The following TCERG1L variants were observed in gnomAD, a reference collection of about 807,000 sequenced individuals.
The protein encoded by TCERG1L is transcription elongation regulator 1-like protein.
A neutral mutation model predicts 56.3 loss-of-function variants in TCERG1L; 37 were observed. The ratio of observed to expected loss-of-function variants is 0.66; its 90% CI spans 0.51 to 0.87. The LOEUF (loss-of-function observed/expected upper bound fraction) is 0.87, where lower values mean the gene tolerates loss of function less well. TCERG1L is among the 40% of genes least tolerant of loss of function. The probability of loss-of-function intolerance (pLI) is 0.00; values close to 1 mark genes in which losing one functional copy is unlikely to be tolerated. For missense variants in TCERG1L, 799 were observed against 774.2 expected (o/e 1.03, Z -0.38); for synonymous variants, 324 against 326.3 (o/e 0.99, Z 0.08).
intron 3 of TCERG1L, among the ~76,000 whole-genome samples, chr10:131,292,523 A>G (rs1347567250): frequency 5.9e-5 from 9 of 152,016 alleles, no homozygotes; most frequent in Non-Finnish European, 4.4e-5. Flanking sequence ...CATTTTTTCT[A>G]TTTTTAAAAA....
chr10:131,221,177 C>T (rs1235300694), intron 4 of TCERG1L, among the ~76,000 whole-genome samples: 1 of 152,210 alleles, frequency 6.6e-6, no homozygotes, highest in Non-Finnish European at 1.5e-5. Context: ...CCCAGAATGG[C>T]AGGTGGAAAG....
intron 3 of TCERG1L, among the ~76,000 whole-genome samples, chr10:131,278,862 C>A (rs1344533760): frequency 6.6e-6 from 1 of 152,150 alleles, no homozygotes; most frequent in African/African-American, 2.4e-5. Context: ...GCTCATGGGG[C>A]CTCGGGTCCC....
chr10:131,290,470 A>G (rs1422703620), intron 3 of TCERG1L, among the ~76,000 whole-genome samples: 1 of 152,050 alleles, frequency 6.6e-6, no homozygotes, highest in East Asian at 1.9e-4. Flanking sequence ...CTTCTCTACT[A>G]AAAATACAAA....
chr10:131,181,799 C>T (rs866936208), intron 4 of TCERG1L, among the ~76,000 whole-genome samples: 1 of 152,234 alleles, frequency 6.6e-6, no homozygotes, highest in Non-Finnish European at 1.5e-5. Context: ...GTTCATCCAG[C>T]GGGGCATTCC....
chr10:131,285,585 A>AG (rs1846530471), intron 3 of TCERG1L, among the ~76,000 whole-genome samples: 1 of 130,668 alleles, frequency 7.7e-6, no homozygotes, highest in East Asian at 2.3e-4. Context: ...AGAAAGAAAA[A>AG]AAATGAGATG....
chr10:131,268,620 T>C (rs963308448), intron 3 of TCERG1L, among the ~76,000 whole-genome samples: 1 of 152,202 alleles, frequency 6.6e-6, no homozygotes, highest in African/African-American at 2.4e-5. Flanking sequence ...TCTTCTGTAG[T>C]GTAGCCACCT....
intron 4 of TCERG1L, among the ~76,000 whole-genome samples, chr10:131,202,666 G>A (rs1267890930): frequency 1.3e-5 from 2 of 152,154 alleles, no homozygotes; most frequent in East Asian, 1.9e-4. Context: ...AAACAGTAAC[G>A]TAGCGGAATT....
chr10:131,098,813 CGCG>C (rs1184863358), intron 10 of TCERG1L, among the ~76,000 whole-genome samples: 2 of 152,192 alleles, frequency 1.3e-5, no homozygotes, highest in Non-Finnish European at 2.9e-5. Context: ...ATCTGTAACG[CGCG>C]GCCTCCCACT....
intron 4 of TCERG1L, among the ~76,000 whole-genome samples, chr10:131,184,183 A>AT (rs1845212355): frequency 6.6e-6 from 1 of 152,174 alleles, no homozygotes; most frequent in East Asian, 1.9e-4. Context: ...CGATGACTTC[A>AT]TTGTCCTTCC....
intron 4 of TCERG1L, among the ~76,000 whole-genome samples, chr10:131,204,797 C>A (rs1013640129): frequency 6.6e-6 from 1 of 152,226 alleles, no homozygotes; most frequent in African/African-American, 2.4e-5. Context: ...TGGCCCCAGG[C>A]AGAACAGGTT....
intron 4 of TCERG1L, among the ~76,000 whole-genome samples, chr10:131,178,809 G>C (rs1035661890): frequency 6.6e-6 from 1 of 152,190 alleles, no homozygotes; most frequent in Non-Finnish European, 1.5e-5. Context: ...CACTTGAGGA[G>C]CCTCTCTTTG....
chr10:131,232,460 G>A (rs756357743), intron 4 of TCERG1L, among the ~76,000 whole-genome samples: 9 of 152,180 alleles, frequency 5.9e-5, no homozygotes, highest in South Asian at 2.1e-4. Context: ...GACCGTACAC[G>A]CACACGCTCA....
intron 4 of TCERG1L, among the ~76,000 whole-genome samples, chr10:131,188,164 T>C (rs1448664411): frequency 1.3e-5 from 2 of 152,240 alleles, no homozygotes; most frequent in African/African-American, 2.4e-5. Context: ...CAGCAGTTAA[T>C]TGGTTGTGTT....
At position 131,308,192 on chromosome 10, in the gene TCERG1L, A is replaced by G. The variant is rs1390742715; in HGVS notation, c.670+19T>C. The G allele has an allele frequency of 1.9e-6, 3 of 1,584,498 alleles. No homozygotes were observed. The highest frequency in any genetic ancestry group is 2.6e-6 in the Non-Finnish European group (3 of 1,166,778). On this transcript the variant is annotated intron_variant, in intron 3 of 11. Coordinates refer to ENST00000368642, the MANE Select transcript of TCERG1L (RefSeq NM_174937.4). ...AGCAAAAATGAAACAGACATTGTCAATGTTATTTGGGCACCAACCTGGGAT... is the reference window on the plus strand; with the variant it reads ...AGCAAAAATGAAACAGACATTGTCAGTGTTATTTGGGCACCAACCTGGGAT...
At chr10:131,181,129 G>A (rs978049810) in intron 4 of TCERG1L, among the ~76,000 whole-genome samples, 12 of 152,230 alleles carry the variant, frequency 7.9e-5, no homozygotes, top group African/African-American at 2.7e-4. Context: ...CCTGATCTAC[G>A]TGGTTGAATC....
At chr10:131,097,155 C>T (rs1469434257) in intron 11 of TCERG1L, among the ~76,000 whole-genome samples, 9 of 136,672 alleles carry the variant, frequency 6.6e-5, no homozygotes, top group South Asian at 2.4e-4. Flanking sequence ...GAACCAAGAT[C>T]GTGCCATTGC....
At chr10:131,215,717 G>A (rs527912403) in intron 4 of TCERG1L, among the ~76,000 whole-genome samples, 2 of 152,310 alleles carry the variant, frequency 1.3e-5, no homozygotes, top group Admixed American at 6.5e-5. Context: ...TGGAGCTTTA[G>A]ATAAAATCAC....
At chr10:131,133,512 G>A (rs1311715656) in intron 8 of TCERG1L, among the ~76,000 whole-genome samples, 1 of 151,994 alleles carries the variant, frequency 6.6e-6, no homozygotes, top group African/African-American at 2.4e-5. Context: ...GGCATCATGG[G>A]ACCAATAACA....
chr10:131,304,330 T>G (rs1167952692), intron 3 of TCERG1L, among the ~76,000 whole-genome samples: 1 of 152,014 alleles, frequency 6.6e-6, no homozygotes, highest in African/African-American at 2.4e-5. Context: ...AAGCTCTTAT[T>G]TTCAGAAGTA....
Sources: gnomAD v4.1 joint callset for allele counts (sites outside exome capture counted in the v4.1 genomes callset) on GRCh38, gnomAD v4.1.1 for gene constraint, MANE v1.5 for transcripts, NCBI Gene and HGNC (gene_info 2026-07-23, HGNC 2026-07-21) for gene names.